Variants in TTLL4 observed in about 807,000 individuals in gnomAD.
The protein encoded by TTLL4 is tubulin monoglutamylase TTLL4.
TTLL4 carries 85 observed loss-of-function variants against 122.7 expected under a neutral mutation model. The observed-to-expected ratio is 0.69, with a 90% CI of 0.58 to 0.83. The LOEUF (loss-of-function observed/expected upper bound fraction) is 0.83, where lower values mean the gene tolerates loss of function less well. Among genes scored for constraint, TTLL4 ranks in the 40% least tolerant of loss-of-function variants. The probability of loss-of-function intolerance (pLI) is 0.00; values close to 1 mark genes in which losing one functional copy is unlikely to be tolerated. For missense variants in TTLL4, 1,363 were observed against 1,488.6 expected, an observed-to-expected ratio of 0.92 and a Z score of 1.39; for synonymous variants, 553 against 563.0, an observed-to-expected ratio of 0.98 and a Z score of 0.25.
In TTLL4 at chr2:218,751,848, C is replaced by G. The variant is rs754632781; in HGVS notation, c.2976+42C>G. On this transcript the variant is annotated intron_variant, in intron 16 of 19. Coordinates refer to ENST00000392102, the MANE Select transcript of TTLL4 (RefSeq NM_014640.5). ...CCCCCCAGTGCTAGCAGAAAACTTC[C>G]CTGGTCAAACATTTGGGACCCAAAA... is the stretch of plus-strand genomic sequence containing the variant. 4.6e-6 allele frequency: 7 copies of G among 1,511,972 alleles called. No homozygotes were observed. The East Asian group carries it at 1.4e-4, about 30-fold the overall frequency. 93.7% of individuals were successfully genotyped at this position (1,511,972 alleles called of 1,614,324 possible).
rs1186621669 is a variant in TTLL4 at position 218,742,513 on chromosome 2, C to T, written c.1661+1929C>T. Reference sequence around the variant, plus strand: ...ATGTAATTTTAGAGATGGAAGCCATCAAGTCCAGTGTAAATATTGAGGACC... The same window carrying T: ...ATGTAATTTTAGAGATGGAAGCCATTAAGTCCAGTGTAAATATTGAGGACC... On this transcript the variant is annotated intron_variant, in intron 5 of 19. Coordinates refer to ENST00000392102, the MANE Select transcript of TTLL4 (RefSeq NM_014640.5). Among the ~76,000 whole-genome samples the T allele has an allele frequency of 2.0e-5, 3 of 152,108 alleles. No homozygotes were observed. The South Asian group carries it at 6.2e-4, about 31-fold the overall frequency.
intron 2 of TTLL4, 103 bp from the exon 3 acceptor site, chr2:218,737,476 A>G: frequency 1.8e-6 from 1 of 557,198 alleles, no homozygotes; most frequent in Non-Finnish European, 3.0e-6. Context: ...CTGGTTGCCC[A>G]AAAATGCTGA....
At position 218,738,164 on chromosome 2, in the gene TTLL4, C is replaced by T. The variant is rs200626776; in HGVS notation, c.488C>T (p.Thr163Ile). ...LPVSLTANKATSSMVFSMAQP... is the reference protein window; with the variant it reads ...LPVSLTANKAISSMVFSMAQP... Reference sequence around the variant, plus strand: ...GTCAGTCTCACTGCCAACAAGGCCACTTCTTCCATGGTCTTCTCCATGGCC... The same window carrying T: ...GTCAGTCTCACTGCCAACAAGGCCATTTCTTCCATGGTCTTCTCCATGGCC... Residue 163 changes from threonine to isoleucine, a missense_variant, in exon 3 of 20, where the codon ACT becomes ATT. Thr to Ile is a moderately conservative substitution (Grantham distance 89, BLOSUM62 -1). This residue lies in a region of TTLL4 where 760 missense variants were observed against 808.4 expected (regional missense o/e 0.94). Transcript: ENST00000392102. The T allele has an allele frequency of 8.5e-5, 138 of 1,614,128 alleles. No individual in the cohort carries two copies. Among genetic ancestry groups the T allele is most frequent in the Non-Finnish European group, 5.1e-6 (6 of 1,180,030 alleles).
chr2:218,733,907 A>G (rs1363275606), intron 2 of TTLL4, among the ~76,000 whole-genome samples: 2 of 152,248 alleles, frequency 1.3e-5, no homozygotes, highest in Non-Finnish European at 2.9e-5. Flanking sequence ...GCCTGTGGCT[A>G]CAAGGGAGAG....
At position 218,751,851 on chromosome 2, in the gene TTLL4, G is replaced by A. The variant is rs764786636; in HGVS notation, c.2976+45G>A. On this transcript the variant is annotated intron_variant, in intron 16 of 19. Coordinates refer to ENST00000392102, the MANE Select transcript of TTLL4 (RefSeq NM_014640.5). ...CCCAGTGCTAGCAGAAAACTTCCCTGGTCAAACATTTGGGACCCAAAAGCA... is the reference window on the plus strand; with the variant it reads ...CCCAGTGCTAGCAGAAAACTTCCCTAGTCAAACATTTGGGACCCAAAAGCA... 1.8e-5 allele frequency: 26 copies of A among 1,477,414 alleles called. No homozygotes were observed. The South Asian group carries it at 3.0e-4, about 17-fold the overall frequency. The allele number at this position is 1,477,414 out of a possible 1,614,324, so 91.5% of individuals were successfully genotyped here.
intron 15 of TTLL4, among the ~76,000 whole-genome samples, chr2:218,751,354 C>A (rs911461570): frequency 1.3e-4 from 20 of 152,062 alleles, no homozygotes; most frequent in Non-Finnish European, 1.9e-4. Context: ...AAGTCAGTTG[C>A]CCAGGGTCAC....
chr2:218,723,659 A>C (rs955143372), intron 1 of TTLL4, among the ~76,000 whole-genome samples: 1 of 152,184 alleles, frequency 6.6e-6, no homozygotes, highest in Non-Finnish European at 1.5e-5. Flanking sequence ...ATCATTAGTA[A>C]TAGTACAAAT....
At chr2:218,716,541 G>A (rs1423363518) in intron 1 of TTLL4, among the ~76,000 whole-genome samples, 1 of 152,204 alleles carries the variant, frequency 6.6e-6, no homozygotes, top group Non-Finnish European at 1.5e-5. Context: ...TGTAATCCCA[G>A]CACTTTGGGA....
chr2:218,745,502 T>C (rs913430347), intron 6 of TTLL4, 189 bp from the exon 7 acceptor site: 13 of 636,192 alleles, frequency 2.0e-5, no homozygotes, highest in Admixed American at 8.7e-5. Context: ...TCCCTTTCTT[T>C]GTTCCTCATT....
rs866110929 is a variant in TTLL4, at chr2:218,753,617, A to G, written c.3292A>G (p.Lys1098Glu). Residue 1098 changes from lysine (K) to glutamate (E), a missense_variant, in exon 19 of 20, where the codon AAG becomes GAG. Transcript: ENST00000392102. ...CCCGACATCACTTCTGACTATCTCA[A>G]AGGATGACGTGATACTCAATGCCTT... is the stretch of plus-strand genomic sequence containing the variant. ...SLPTSLLTIS[K>E]DDVILNAFSK... 7.4e-6 allele frequency: 12 copies of G among 1,614,094 alleles called. No homozygotes were observed. In the South Asian group the frequency reaches 9.9e-5, roughly 13 times the overall value.
At chr2:218,715,135 G>GT (rs1172711019) in intron 1 of TTLL4, among the ~76,000 whole-genome samples, 2 of 152,166 alleles carry the variant, frequency 1.3e-5, no homozygotes, top group African/African-American at 2.4e-5. Flanking sequence ...GAGTGGCATT[G>GT]TTTTTTAGAT....
rs537968790 is a variant in TTLL4 at position 218,719,453 on chromosome 2, C to T, written c.-177-7816C>T. 2.0e-5 allele frequency among the ~76,000 whole-genome samples: 3 copies of T among 151,736 alleles called. No individual in the cohort carries two copies. The South Asian group carries it at 6.2e-4, about 32-fold the overall frequency. Reference sequence around the variant, plus strand: ...ATGGTAAGGATTCACAAGGAAGAAGCTTAGTGGAGTAAAGCCCTGCAGACA... The same window carrying T: ...ATGGTAAGGATTCACAAGGAAGAAGTTTAGTGGAGTAAAGCCCTGCAGACA... On this transcript the variant is annotated intron_variant, in intron 1 of 19. Coordinates refer to ENST00000392102, the MANE Select transcript of TTLL4 (RefSeq NM_014640.5).
chr2:218,754,051 G>A, intron 19 of TTLL4, 83 bp from the exon 20 acceptor site: 1 of 1,578,248 alleles, frequency 6.3e-7, no homozygotes, highest in East Asian at 2.2e-5. Context: ...GTGAATGCCT[G>A]CTCCAGACTG....
At chr2:218,713,226 T>A (rs181094619) in intron 1 of TTLL4, among the ~76,000 whole-genome samples, 1 of 151,834 alleles carries the variant, frequency 6.6e-6, no homozygotes, top group Non-Finnish European at 1.5e-5. Flanking sequence ...CAAAAAAAAA[T>A]ATGTAAAAAT....
At position 218,754,378 on chromosome 2, in the gene TTLL4, G is replaced by C. The variant is rs953781965; in HGVS notation, c.3589G>C (p.Val1197Leu). Residue 1197 changes from valine (V) to leucine (L), a missense_variant, in exon 20 of 20, where the codon GTG becomes CTG. Val to Leu is a conservative substitution (Grantham distance 32). Around this residue, in one of 3 missense-constraint regions of TTLL4, gnomAD observed 596 missense variants for 655.8 expected, o/e 0.91. Coordinates refer to ENST00000392102, the MANE Select transcript of TTLL4 (RefSeq NM_014640.5). The stretch of plus-strand genomic sequence containing the variant: ...GTCAATCAGTGACTCCCTCCTGGCT[G>C]TGAGCCCATAACTGGCCTCTCTCCA... ...FQSISDSLLAVSP is the reference protein window; with the variant it reads ...FQSISDSLLALSP The C allele has an allele frequency of 6.2e-7, 1 of 1,614,056 alleles. No individual in the cohort carries two copies. The highest frequency in any genetic ancestry group is 8.5e-7 in the Non-Finnish European group (1 of 1,180,044).
At chr2:218,758,730 G>T (rs74889254), downstream of TTLL4, among the ~76,000 whole-genome samples, 1,432 of 152,324 alleles carry the variant, frequency 9.4e-3, 52 homozygotes, top group East Asian at 0.097. Context: ...TTGAGAAGGT[G>T]CTGATGGGAA....
At chr2:218,720,603 G>A (rs993265118) in intron 1 of TTLL4, among the ~76,000 whole-genome samples, 2 of 151,596 alleles carry the variant, frequency 1.3e-5, no homozygotes, top group Non-Finnish European at 2.9e-5. Context: ...GAACGCGGGA[G>A]GCAGAGGTTG....
At position 218,716,669 on chromosome 2, in the gene TTLL4, G is replaced by A. The variant is rs531070498; in HGVS notation, c.-178+5632G>A. The stretch of plus-strand genomic sequence containing the variant: ...CCGGGCGTGGTAGTAAGTGCCTGTA[G>A]TCCCAGCTACTCAGGAGGTTGAGGC... On this transcript the variant is annotated intron_variant, in intron 1 of 19. Transcript: ENST00000392102. Among the ~76,000 whole-genome samples the A allele has an allele frequency of 7.9e-5, 12 of 152,278 alleles. No homozygotes were observed. In the East Asian group the frequency reaches 1.4e-3, roughly 17 times the overall value.
At chr2:218,750,820 A>C (rs924464852) in intron 15 of TTLL4, among the ~76,000 whole-genome samples, 3 of 152,112 alleles carry the variant, frequency 2.0e-5, no homozygotes, top group African/African-American at 4.8e-5. Context: ...TCTGCTGTTC[A>C]TCAAAGCCTA....
Sources: allele counts gnomAD v4.1 joint callset (sites outside exome capture counted in the v4.1 genomes callset), GRCh38; gene constraint gnomAD v4.1.1; regional missense constraint gnomAD v4.1.1; transcripts MANE v1.5; gene names NCBI Gene and HGNC (gene_info 2026-07-23, HGNC 2026-07-21).